The following TBC1D22A variants were observed in gnomAD, a reference collection of about 807,000 sequenced individuals.
The protein encoded by TBC1D22A is putative GTPase activator.
TBC1D22A carries 38 observed loss-of-function variants against 60.2 expected under a neutral mutation model. That is an observed-to-expected ratio of 0.63 (90% CI 0.49 to 0.83). The LOEUF is 0.83. Among genes scored for constraint, TBC1D22A ranks in the 40% least tolerant of loss-of-function variants. The pLI, the probability that TBC1D22A is intolerant of heterozygous loss-of-function variation, is 0.00. For missense variants in TBC1D22A, 628 were observed against 701.0 expected, an observed-to-expected ratio of 0.90 and a Z score of 1.18; for synonymous variants, 302 against 281.7, an observed-to-expected ratio of 1.07 and a Z score of -0.72.
chr22:47,079,430 G>A (rs534175648), intron 11 of TBC1D22A, among the ~76,000 whole-genome samples: 1 of 152,242 alleles, frequency 6.6e-6, no homozygotes, highest in South Asian at 2.1e-4. Flanking sequence ...TTCATTTCTA[G>A]TAGGTTGGTG....
At chr22:47,123,635 T>C (rs1365471490) in intron 12 of TBC1D22A, among the ~76,000 whole-genome samples, 4 of 152,236 alleles carry the variant, frequency 2.6e-5, no homozygotes, top group Non-Finnish European at 5.9e-5. Flanking sequence ...TTCGACAGGC[T>C]AATGGCTTCA....
chr22:47,024,826 G>A (rs2062202296), intron 10 of TBC1D22A, among the ~76,000 whole-genome samples: 1 of 152,102 alleles, frequency 6.6e-6, no homozygotes, highest in Non-Finnish European at 1.5e-5. Flanking sequence ...TGCAGCCTGG[G>A]TGACAGAGCA....
intron 1 of TBC1D22A, among the ~76,000 whole-genome samples, chr22:46,769,632 G>T (rs1203419765): frequency 6.6e-6 from 1 of 152,124 alleles, no homozygotes; most frequent in African/African-American, 2.4e-5. Flanking sequence ...GCGCTTGACT[G>T]GGGAGGAGGG....
chr22:46,878,329 GAGA>G (rs2147490449), intron 4 of TBC1D22A, among the ~76,000 whole-genome samples: 5 of 152,186 alleles, frequency 3.3e-5, no homozygotes, highest in African/African-American at 4.8e-5. Flanking sequence ...GAGGGAGAGA[GAGA>G]AGGAGGTGGG....
At chr22:47,105,985 G>A (rs2065620403) in intron 11 of TBC1D22A, among the ~76,000 whole-genome samples, 1 of 152,184 alleles carries the variant, frequency 6.6e-6, no homozygotes, top group African/African-American at 2.4e-5. Context: ...GTATTGAATG[G>A]AAGAAGGAGG....
At chr22:46,791,767 C>A (rs2084419624) in intron 1 of TBC1D22A, among the ~76,000 whole-genome samples, 1 of 152,064 alleles carries the variant, frequency 6.6e-6, no homozygotes, top group African/African-American at 2.4e-5. Flanking sequence ...ACTGTTAAGT[C>A]TTTTTCTTTT....
chr22:46,861,321 C>G (rs1555914728), intron 4 of TBC1D22A, among the ~76,000 whole-genome samples: 1 of 152,160 alleles, frequency 6.6e-6, no homozygotes, highest in Non-Finnish European at 1.5e-5. Flanking sequence ...AAATGTGTCT[C>G]TATTTTAATT....
At chr22:47,111,317 A>G (rs1206025429) in intron 11 of TBC1D22A, among the ~76,000 whole-genome samples, 191 bp from the exon 12 acceptor site, 3 of 152,220 alleles carry the variant, frequency 2.0e-5, no homozygotes, top group Non-Finnish European at 2.9e-5. Context: ...CTGGAACTTA[A>G]AGAGAAAATG....
intron 4 of TBC1D22A, among the ~76,000 whole-genome samples, chr22:46,820,651 A>G (rs1225346367): frequency 1.3e-5 from 2 of 152,192 alleles, no homozygotes; most frequent in Non-Finnish European, 2.9e-5. Context: ...ACTTCCAATT[A>G]TGTGGTCGAT....
intron 4 of TBC1D22A, among the ~76,000 whole-genome samples, chr22:46,878,032 T>G (rs2067647281): frequency 6.6e-6 from 1 of 151,992 alleles, no homozygotes; most frequent in African/African-American, 2.4e-5. Context: ...TTTCTACTTG[T>G]AGGTATTTAT....
chr22:46,797,578 G>C lies in TBC1D22A; in HGVS notation c.595G>C (p.Asp199His), dbSNP rs747838862. ...ALSEREASRL[D>H]KFKQLLAGPN... ...GAGCGAAAGAGAGGCCTCCCGGCTCGACAAGTTCAAGCAGCTGCTTGCCGG... is the reference window on the plus strand; with the variant it reads ...GAGCGAAAGAGAGGCCTCCCGGCTCCACAAGTTCAAGCAGCTGCTTGCCGG... Residue 199 changes from aspartate (D) to histidine (H), a missense_variant, in exon 4 of 13, where the codon GAC becomes CAC. By Grantham distance (81) the Asp-to-His change is moderately conservative (BLOSUM62 -1). Coordinates refer to ENST00000337137, the MANE Select transcript of TBC1D22A (RefSeq NM_014346.5). 2.5e-6 allele frequency: 4 copies of C among 1,612,688 alleles called. No individual in the cohort carries two copies. The highest frequency in any genetic ancestry group is 1.7e-5 in the Admixed American group (1 of 59,910).
At chr22:46,857,815 A>G (rs2087647296) in intron 4 of TBC1D22A, among the ~76,000 whole-genome samples, 1 of 152,188 alleles carries the variant, frequency 6.6e-6, no homozygotes, top group Non-Finnish European at 1.5e-5. Context: ...CGCCTGCTTC[A>G]TTCTTTTTTG....
At chr22:46,976,472 C>T (rs470059) in intron 9 of TBC1D22A, among the ~76,000 whole-genome samples, 34,720 of 152,164 alleles carry the variant, frequency 0.23, 4,603 homozygotes, top group Non-Finnish European at 0.29. Context: ...CCGAGCAGAG[C>T]TCCTCTAGCG....
chr22:47,152,531 G>C (rs2067543525), intron 12 of TBC1D22A, among the ~76,000 whole-genome samples: 1 of 152,216 alleles, frequency 6.6e-6, no homozygotes. Flanking sequence ...TTTCTGGCCG[G>C]CCACAACCCC....
chr22:47,105,749 T>C (rs2065608986), intron 11 of TBC1D22A, among the ~76,000 whole-genome samples: 1 of 152,048 alleles, frequency 6.6e-6, no homozygotes, highest in Non-Finnish European at 1.5e-5. Flanking sequence ...CAAATATAGG[T>C]TTCCCACCCC....
chr22:46,921,610 A>G (rs1203505712), intron 8 of TBC1D22A, among the ~76,000 whole-genome samples: 1 of 152,226 alleles, frequency 6.6e-6, no homozygotes, highest in Admixed American at 6.5e-5. Flanking sequence ...ATACCCAATA[A>G]TGGGATTGCT....
intron 8 of TBC1D22A, chr22:46,915,071 G>A: frequency 3.8e-6 from 1 of 260,072 alleles, no homozygotes; most frequent in Non-Finnish European, 7.7e-6. Flanking sequence ...AGTGGCATTG[G>A]GAGGAAGGGC....
At chr22:47,006,715 G>A (rs1468900580) in intron 10 of TBC1D22A, among the ~76,000 whole-genome samples, 1 of 152,172 alleles carries the variant, frequency 6.6e-6, no homozygotes, top group Non-Finnish European at 1.5e-5. Context: ...TCGTTCTCCA[G>A]CCCTAGGCCA....
chr22:47,076,555 A>G (rs1045890155), intron 11 of TBC1D22A, among the ~76,000 whole-genome samples: 1 of 151,956 alleles, frequency 6.6e-6, no homozygotes, highest in Non-Finnish European at 1.5e-5. Context: ...GTGATTAGGT[A>G]TTTATTAAAT....
Sources: allele counts gnomAD v4.1 joint callset (sites outside exome capture counted in the v4.1 genomes callset), GRCh38; gene constraint gnomAD v4.1.1; transcripts MANE v1.5; gene names NCBI Gene and HGNC (gene_info 2026-07-23, HGNC 2026-07-21).